TJP1: variants seen among roughly 807,000 people sequenced by gnomAD.
The protein encoded by TJP1 is tight junction protein 1, also known as tight junction protein ZO-1.
A neutral mutation model predicts 194.2 loss-of-function variants in TJP1; 43 were observed. The ratio of observed to expected loss-of-function variants is 0.22; its 90% CI spans 0.17 to 0.29. The LOEUF is 0.29. Ranked by LOEUF, TJP1 falls within the 10% of genes least tolerant of loss-of-function variation. TJP1 has a pLI of 1.00. For missense variants in TJP1, 1,971 were observed against 2,185.7 expected (o/e 0.90, Z 1.96); for synonymous variants, 801 against 779.0 (o/e 1.03, Z -0.47).
At chr15:29,831,099 C>A (rs1369270750) in intron 2 of TJP1, among the ~76,000 whole-genome samples, 1 of 152,064 alleles carries the variant, frequency 6.6e-6, no homozygotes, top group Non-Finnish European at 1.5e-5. Flanking sequence ...ATTGAACACC[C>A]CTGGATAAAA....
intron 10 of TJP1, among the ~76,000 whole-genome samples, chr15:29,739,809 T>A (rs562645412): frequency 3.6e-4 from 55 of 152,072 alleles, no homozygotes; most frequent in African/African-American, 1.3e-3. Context: ...TTTCAAGCAA[T>A]TCCCAAGAAA....
Position 29,822,418 on chromosome 15 carries a change from A to C in TJP1, c.-390T>G. On this transcript the variant is annotated 5_prime_UTR_variant, in exon 1 of 28. Coordinates refer to ENST00000614355, the MANE Select transcript of TJP1 (RefSeq NM_001330239.4). ...AACTTCCCGGGAACCGGCGGCCGCC[A>C]AGGAACGCGGCGTCCGCTGGCTCAG... 1.0e-6 allele frequency: 1 copy of C among 991,982 alleles called. No individual in the cohort carries two copies. The highest frequency in any genetic ancestry group is 1.2e-6 in the Non-Finnish European group (1 of 834,386). The allele number at this position is 991,982 out of a possible 1,614,324, so 61.4% of individuals were successfully genotyped here.
At chr15:29,770,761 C>T (rs977451003) in intron 4 of TJP1, among the ~76,000 whole-genome samples, 2 of 151,196 alleles carry the variant, frequency 1.3e-5, no homozygotes, top group Non-Finnish European at 1.5e-5. Context: ...TTTGTTATTA[C>T]GAGAGTCAAA....
chr15:29,957,689 T>C (rs1567235275), intron 1 of TJP1, among the ~76,000 whole-genome samples: 2 of 152,244 alleles, frequency 1.3e-5, no homozygotes. Context: ...TGTTTTCCTA[T>C]GTTTGTTACC....
chr15:29,870,566 C>T (rs2094650476), intron 2 of TJP1, among the ~76,000 whole-genome samples: 2 of 152,184 alleles, frequency 1.3e-5, no homozygotes, highest in African/African-American at 4.8e-5. Flanking sequence ...TATTGTGCCC[C>T]TGGGAAATTC....
chr15:29,939,094 T>C (rs1341002451), intron 2 of TJP1, among the ~76,000 whole-genome samples: 4 of 152,192 alleles, frequency 2.6e-5, no homozygotes, highest in Non-Finnish European at 5.9e-5. Flanking sequence ...TAATAACTGC[T>C]GGATTATGGA....
Position 29,756,496 on chromosome 15 carries a change from CA to C in TJP1, c.1010+4642del, listed in dbSNP as rs1462481439. ...GGAATGGGTTTCCAATAAAACTTTA[CA>C]AAAGGAGGAGGCTGGATTTAGCCCA... On this transcript the variant is annotated intron_variant, in intron 8 of 27. Transcript: ENST00000614355. Among the ~76,000 whole-genome samples the C allele has an allele frequency of 2.0e-5, 3 of 152,114 alleles. No homozygotes were observed. In the East Asian group the frequency reaches 5.8e-4, roughly 29 times the overall value.
chr15:29,756,521 C>T (rs935702420), intron 8 of TJP1, among the ~76,000 whole-genome samples: 3 of 152,098 alleles, frequency 2.0e-5, no homozygotes, highest in Non-Finnish European at 4.4e-5. Context: ...GGATTTAGCC[C>T]ACACAGTGCA....
At chr15:29,843,282 G>C (rs1215198862) in intron 2 of TJP1, among the ~76,000 whole-genome samples, 6 of 151,532 alleles carry the variant, frequency 4.0e-5, no homozygotes, top group Non-Finnish European at 8.8e-5. Context: ...TCCGCCTCCC[G>C]GGTTCAAGCG....
At chr15:29,795,654 A>G (rs1201315911) in intron 2 of TJP1, among the ~76,000 whole-genome samples, 2 of 152,156 alleles carry the variant, frequency 1.3e-5, no homozygotes, top group African/African-American at 4.8e-5. Context: ...AAAAGGAAGG[A>G]ACACGTCCCA....
chr15:29,941,474 C>A (rs572300055), intron 2 of TJP1, among the ~76,000 whole-genome samples: 2 of 152,310 alleles, frequency 1.3e-5, no homozygotes, highest in South Asian at 4.1e-4. Flanking sequence ...GGGAAGGAGG[C>A]TTGAGGCCAC....
chr15:29,900,357 G>A (rs556690653), intron 2 of TJP1, among the ~76,000 whole-genome samples: 40 of 152,348 alleles, frequency 2.6e-4, no homozygotes, highest in African/African-American at 8.9e-4. Flanking sequence ...ATAACATAGT[G>A]CAGCTTACCT....
chr15:29,949,919 AC>A (rs1567226828), intron 2 of TJP1, among the ~76,000 whole-genome samples: 1 of 53,442 alleles, frequency 1.9e-5, no homozygotes, highest in African/African-American at 1.4e-4. Flanking sequence ...CTCCACCTCC[AC>A]CTTCACCACC....
chr15:29,751,832 T>G (rs1333175638), intron 8 of TJP1, among the ~76,000 whole-genome samples: 1 of 152,240 alleles, frequency 6.6e-6, no homozygotes. Context: ...GAGCAGTTTG[T>G]TTTTAAATTT....
chr15:29,868,488 TATAAATGA>T lies in TJP1; in HGVS notation c.307-67794_307-67787del, dbSNP rs59561001. 7.4e-3 allele frequency among the ~76,000 whole-genome samples: 1,132 copies of T among 152,314 alleles called. 21 individuals are homozygous for T. Among genetic ancestry groups the T allele is most frequent in the African/African-American group, 0.026 (1,085 of 41,558 alleles). ...GAGGCCAAGGCTAAGCTCACTATAA[TATAAATGA>T]ATAAATGAATCAGGACTGTTGAGTT... On this transcript the variant is annotated intron_variant, in intron 2 of 28. Coordinates refer to the TJP1 transcript ENST00000356107.
rs770363160 is a variant in TJP1, at chr15:29,791,779, C to A, written c.84+8867G>T. ...TCTCTTTTTTCTGCCTGCTCACTAG[C>A]ATTTGTTATTGCCTGTCTTTTTGAT... On this transcript the variant is annotated intron_variant, in intron 2 of 27. Transcript: ENST00000614355. Among the ~76,000 whole-genome samples the A allele has an allele frequency of 3.3e-5, 5 of 152,210 alleles. No individual in the cohort carries two copies. The South Asian group carries it at 6.2e-4, about 19-fold the overall frequency.
intron 18 of TJP1, among the ~76,000 whole-genome samples, chr15:29,724,388 ATC>A (rs752230935): frequency 1.8e-4 from 28 of 152,170 alleles, no homozygotes; most frequent in Non-Finnish European, 3.5e-4. Context: ...ATCTACTCTA[ATC>A]TTTAACTTGC....
intron 2 of TJP1, among the ~76,000 whole-genome samples, chr15:29,897,571 A>G (rs948381539): frequency 2.6e-5 from 4 of 152,164 alleles, no homozygotes; most frequent in African/African-American, 9.6e-5. Context: ...TGGTAGATCC[A>G]CCAACAGCGT....
In TJP1 at chr15:29,884,267, C is replaced by T. The variant is rs149042454; in HGVS notation, c.306+71965G>A. Among the ~76,000 whole-genome samples the T allele has an allele frequency of 2.2e-3, 339 of 152,304 alleles. 2 individuals carry two copies. The highest frequency in any genetic ancestry group is 7.8e-3 in the African/African-American group (324 of 41,568). ...AAACCTTAGAGATCATCTTGTTCAA[C>T]GGTTCTCAACAGATGCTCCCTGGAC... On this transcript the variant is annotated intron_variant, in intron 2 of 28. Coordinates refer to the TJP1 transcript ENST00000356107.
Sources: gnomAD v4.1 joint callset for allele counts (sites outside exome capture counted in the v4.1 genomes callset) on GRCh38, gnomAD v4.1.1 for gene constraint, MANE v1.5 for transcripts, NCBI Gene and HGNC (gene_info 2026-07-23, HGNC 2026-07-21) for gene names.